Variants in KMT2A observed in about 807,000 individuals in gnomAD.
The protein encoded by KMT2A is lysine methyltransferase 2A.
In KMT2A, 16 loss-of-function variants were observed where a neutral mutation model predicts 345.3. The observed-to-expected ratio is 0.05, with a 90% CI of 0.03 to 0.07. The LOEUF is 0.07. KMT2A is among the 10% of genes least tolerant of loss of function. The pLI is 1.00. For synonymous variants in KMT2A, 1,599 were observed against 1,778.6 expected (o/e 0.90, Z 2.54); for missense variants, 3,272 against 4,841.6 (o/e 0.68, Z 9.62).
intron 5 of KMT2A, among the ~76,000 whole-genome samples, chr11:118,478,990 T>G (rs1425200461): frequency 6.6e-6 from 1 of 152,178 alleles, no homozygotes; most frequent in African/African-American, 2.4e-5. Flanking sequence ...GTATATATAT[T>G]TATGGTATAC....
chr11:118,439,347 G>GCGT (rs1565560676), intron 1 of KMT2A, among the ~76,000 whole-genome samples: 1 of 152,142 alleles, frequency 6.6e-6, no homozygotes, highest in Non-Finnish European at 1.5e-5. Context: ...TTCTTGTTCA[G>GCGT]TATGCTTATT....
intron 1 of KMT2A, among the ~76,000 whole-genome samples, chr11:118,456,830 C>T (rs1396142671): frequency 6.6e-6 from 1 of 152,132 alleles, no homozygotes; most frequent in African/African-American, 2.4e-5. Flanking sequence ...ATTTCAAATT[C>T]AGATGTCTAA....
In KMT2A at chr11:118,506,093, G is replaced by A. The variant is rs781968103; in HGVS notation, c.10201G>A (p.Ala3401Thr). 6 of 1,614,134 alleles carry A rather than the reference G, an allele frequency of 3.7e-6. No individual in the cohort carries two copies. The highest frequency in any genetic ancestry group is 4.2e-6 in the Non-Finnish European group (5 of 1,180,044). ...QSLGIQDQPV[A>T]LPPSSGMFPQ... Reference sequence around the variant, plus strand: ...CCTGGGGATTCAGGACCAGCCTGTGGCTTTACCGCCAAGTTCAGGAATGTT... The same window carrying A: ...CCTGGGGATTCAGGACCAGCCTGTGACTTTACCGCCAAGTTCAGGAATGTT... Residue 3401 changes from alanine to threonine, a missense_variant, in exon 27 of 36, where the codon GCT becomes ACT. Physicochemically the swap from Ala to Thr is moderately conservative, Grantham distance 58. Around this residue, in one of 27 missense-constraint regions of KMT2A, gnomAD observed 748 missense variants for 922.2 expected, o/e 0.81. Coordinates refer to ENST00000534358, the MANE Select transcript of KMT2A (RefSeq NM_001197104.2).
At chr11:118,519,922 A>G (rs1555052957) in intron 32 of KMT2A, 35 bp from the exon 33 acceptor site, 1 of 1,584,492 alleles carries the variant, frequency 6.3e-7, no homozygotes, top group East Asian at 2.2e-5. Context: ...TTATTAAAGC[A>G]TTTCTCTAAA....
In KMT2A at chr11:118,520,766, G is replaced by GA. The variant is rs1455811912; in HGVS notation, c.11430-29dup. 2.0e-6 allele frequency: 3 copies of GA among 1,506,784 alleles called. No homozygotes were observed. The highest frequency in any genetic ancestry group is 2.3e-5 in the East Asian group (1 of 44,368). The allele number at this position is 1,506,784 out of a possible 1,614,324, so 93.3% of individuals were successfully genotyped here. On this transcript the variant is annotated intron_variant, in intron 33 of 35. Coordinates refer to ENST00000534358, the MANE Select transcript of KMT2A (RefSeq NM_001197104.2). The surrounding 1 kb of genome is among the most constrained non-coding windows in gnomAD (Gnocchi z 4.3). ...TTCAAGACTCAAAACATTATTTCCTGAAAAAAATTCGTTAATAGTATGTCT... is the reference window on the plus strand; with the variant it reads ...TTCAAGACTCAAAACATTATTTCCTGAAAAAAAATTCGTTAATAGTATGTCT...
intron 8 of KMT2A, 139 bp downstream of exon 8, chr11:118,482,634 G>T: frequency 1.6e-6 from 1 of 610,292 alleles, no homozygotes; most frequent in Non-Finnish European, 2.8e-6. Flanking sequence ...TTTTAGCTGG[G>T]CACGGTGGCT....
At position 118,476,961 on chromosome 11, in the gene KMT2A, T is replaced by C; in HGVS notation, c.3313T>C (p.Leu1105=). The C allele has an allele frequency of 6.2e-7, 1 of 1,614,146 alleles. No homozygotes were observed. Among genetic ancestry groups the C allele is most frequent in the Middle Eastern group, 1.7e-4 (1 of 6,054 alleles). ...ACCATGGGAAGAACGAGAAAAGATT[T>C]TGTCTTCCATGGGGAATGATGGTAG... ...ALPWEEREKI[L]SSMGNDDKSS... is the part of the protein sequence containing the mutation. The change falls in exon 4 of 36, where the codon TTG becomes CTG. Residue 1105 remains leucine (L), a synonymous_variant. Transcript: ENST00000534358. This position sits in a 1 kb window ranked among gnomAD's most constrained non-coding sequence, Gnocchi z 4.1.
rs1951075373 is a variant in KMT2A, at chr11:118,526,022, AAC to A, written c.*3852_*3853del. 4.6e-6 allele frequency: 1 copy of A among 219,402 alleles called. No individual in the cohort carries two copies. Among genetic ancestry groups the A allele is most frequent in the Non-Finnish European group, 9.1e-6 (1 of 109,310 alleles). The allele number at this position is 219,402 out of a possible 1,614,324, so 13.6% of individuals were successfully genotyped here. A position where few individuals can be genotyped will look rare whatever the true frequency, so the allele number is the denominator to read the frequency against. The stretch of plus-strand genomic sequence containing the variant: ...GAACTAATATAGTAATGCACCATGT[AAC>A]AAAGCCTAGTTCAGTCCATGGCTTT... On this transcript the variant is annotated 3_prime_UTR_variant, in exon 36 of 36. Transcript: ENST00000534358.
intron 1 of KMT2A, chr11:118,447,851 C>A: frequency 3.9e-6 from 1 of 254,276 alleles, no homozygotes; most frequent in South Asian, 3.9e-5. Context: ...TAGGTTTAAA[C>A]CGAAATCAGG....
intron 1 of KMT2A, chr11:118,447,512 G>A (rs554362741): frequency 4.5e-6 from 1 of 221,612 alleles, no homozygotes; most frequent in African/African-American, 2.3e-5. Context: ...TAAAGGTATT[G>A]ATTGGGGTTT....
chr11:118,444,557 T>C (rs1472341454), intron 1 of KMT2A, among the ~76,000 whole-genome samples: 1 of 152,208 alleles, frequency 6.6e-6, no homozygotes, highest in Non-Finnish European at 1.5e-5. Flanking sequence ...CTCAGCCATC[T>C]TGAAAAAGTT....
At chr11:118,458,465 C>T (rs1705582653) in intron 1 of KMT2A, among the ~76,000 whole-genome samples, 1 of 152,130 alleles carries the variant, frequency 6.6e-6, no homozygotes, top group South Asian at 2.1e-4. Context: ...AGTACTATTA[C>T]CACAGTAGGT....
In KMT2A at chr11:118,507,522, G is replaced by A; in HGVS notation, c.10755-7G>A. ...GTCTTGAAAAGATACAAATGCCTGT[G>A]TTCCAGGACTCCAGGAGCAGAGGCT... On this transcript the variant is annotated splice_region_variant and splice_polypyrimidine_tract_variant and intron_variant, in intron 27 of 35. Transcript: ENST00000534358. 3 of 1,613,332 alleles carry A rather than the reference G, an allele frequency of 1.9e-6. No individual in the cohort carries two copies. Among genetic ancestry groups the A allele is most frequent in the Non-Finnish European group, 2.5e-6 (3 of 1,179,306 alleles).
rs782519862 is a variant in KMT2A, at chr11:118,502,558, C to T, written c.6666C>T (p.Tyr2222=). ...IMSPMRTGNT[Y]SRNNVSSVST... is the part of the protein sequence containing the mutation. ...CTCCAATGAGAACTGGGAATACTTACTCTAGGAATAATGTTTCCTCAGTCT... is the reference window on the plus strand; with the variant it reads ...CTCCAATGAGAACTGGGAATACTTATTCTAGGAATAATGTTTCCTCAGTCT... Residue 2222 remains tyrosine (Y), a synonymous_variant, in exon 27 of 36, where the codon TAC becomes TAT. Transcript: ENST00000534358. The surrounding 1 kb of genome is among the most constrained non-coding windows in gnomAD (Gnocchi z 4.9). The T allele has an allele frequency of 4.3e-6, 7 of 1,614,166 alleles. No individual in the cohort carries two copies. In the South Asian group the frequency reaches 6.6e-5, roughly 15 times the overall value.
At position 118,506,197 on chromosome 11, in the gene KMT2A, T is replaced by C. The variant is rs1409553999; in HGVS notation, c.10305T>C (p.Thr3435=). 6.2e-7 allele frequency: 1 copy of C among 1,613,850 alleles called. No individual in the cohort carries two copies. Among genetic ancestry groups the C allele is most frequent in the Admixed American group, 1.7e-5 (1 of 59,990 alleles). ...AASSICVLPS[T]QTTGITAASP... The stretch of plus-strand genomic sequence containing the variant: ...CTAGCATCTGTGTGCTCCCCTCCAC[T>C]CAGACTACGGGCATAACAGCCGCTT... The change falls in exon 27 of 36, where the codon ACT becomes ACC. Residue 3435 remains threonine (T), a synonymous_variant. Coordinates refer to ENST00000534358, the MANE Select transcript of KMT2A (RefSeq NM_001197104.2).
intron 11 of KMT2A, among the ~76,000 whole-genome samples, chr11:118,489,492 G>A (rs1340266395): frequency 6.6e-6 from 1 of 152,036 alleles, no homozygotes; most frequent in East Asian, 1.9e-4. Flanking sequence ...ATTTAATTGG[G>A]TGTAATCAGT....
At chr11:118,460,341 T>G (rs2134226520) in intron 1 of KMT2A, among the ~76,000 whole-genome samples, 1 of 152,264 alleles carries the variant, frequency 6.6e-6, no homozygotes, top group East Asian at 1.9e-4. Flanking sequence ...CAGGCTGGAG[T>G]GCAGTGGCAC....
At chr11:118,518,507 G>T (rs549086164) in intron 31 of KMT2A, among the ~76,000 whole-genome samples, 1 of 152,274 alleles carries the variant, frequency 6.6e-6, no homozygotes, top group African/African-American at 2.4e-5. Flanking sequence ...CTGGCTGGGT[G>T]CTGTGGCTCA....
At chr11:118,518,597 A>G (rs534519600) in intron 31 of KMT2A, among the ~76,000 whole-genome samples, 1 of 152,036 alleles carries the variant, frequency 6.6e-6, no homozygotes, top group Non-Finnish European at 1.5e-5. Flanking sequence ...CCTGGCCAAT[A>G]TGGTGAAACC....
Sources: gnomAD v4.1 joint callset for allele counts (sites outside exome capture counted in the v4.1 genomes callset) on GRCh38, gnomAD v4.1.1 for gene constraint, gnomAD v4.1.1 regional missense constraint, Gnocchi (gnomAD v3.1) non-coding constraint, MANE v1.5 for transcripts, NCBI Gene and HGNC (gene_info 2026-07-23, HGNC 2026-07-21) for gene names.